NKD1: variants seen among roughly 807,000 people sequenced by gnomAD.
NKD1 encodes NKD inhibitor of Wnt signaling pathway 1.
Under a neutral mutation model 56.0 loss-of-function variants are expected in NKD1, and 21 were observed. The observed-to-expected ratio is 0.38, with a 90% confidence interval of 0.27 to 0.54. The LOEUF (loss-of-function observed/expected upper bound fraction) is 0.54, where lower values mean the gene tolerates loss of function less well. Among genes scored for constraint, NKD1 ranks in the 20% least tolerant of loss-of-function variants. The pLI, the probability that NKD1 is intolerant of heterozygous loss-of-function variation, is 0.82. For missense variants in NKD1, 578 were observed against 642.7 expected, an observed-to-expected ratio of 0.90 and a Z score of 1.09; for synonymous variants, 263 against 265.7, an observed-to-expected ratio of 0.99 and a Z score of 0.10.
At chr16:50,608,048 G>T in intron 3 of NKD1, 1 of 513,118 alleles carries the variant, frequency 1.9e-6, no homozygotes, top group Non-Finnish European at 3.5e-6. Context: ...TGGGAGGCAT[G>T]ATGGAAGACC....
intron 3 of NKD1, among the ~76,000 whole-genome samples, chr16:50,593,566 G>A (rs1961413979): frequency 6.6e-6 from 1 of 152,158 alleles, no homozygotes; most frequent in African/African-American, 2.4e-5. Flanking sequence ...TGTGTGCCCG[G>A]CCCTGACCAG....
intron 3 of NKD1, chr16:50,607,984 G>C (rs1961751983): frequency 5.6e-6 from 2 of 357,052 alleles, no homozygotes; most frequent in African/African-American, 4.1e-5. Flanking sequence ...GAACAGGCAG[G>C]GTGTGTGCAA....
intron 3 of NKD1, among the ~76,000 whole-genome samples, chr16:50,594,724 G>A (rs1007205098): frequency 1.3e-5 from 2 of 152,128 alleles, no homozygotes; most frequent in East Asian, 3.9e-4. Flanking sequence ...CTCTGAGTCT[G>A]CAGACATAGC....
chr16:50,557,292 A>G (rs572316460), intron 3 of NKD1: 34 of 152,336 alleles, frequency 2.2e-4, no homozygotes, highest in African/African-American at 8.2e-4. Flanking sequence ...CATTCCACAA[A>G]TATTTGACTG....
chr16:50,589,970 C>T (rs1961329153), intron 3 of NKD1, among the ~76,000 whole-genome samples: 1 of 152,100 alleles, frequency 6.6e-6, no homozygotes, highest in Non-Finnish European at 1.5e-5. Context: ...GCCTCAGCCT[C>T]CTGAGTAGCT....
At chr16:50,560,741 G>A (rs1036509486) in intron 3 of NKD1, among the ~76,000 whole-genome samples, 2 of 149,448 alleles carry the variant, frequency 1.3e-5, no homozygotes, top group African/African-American at 5.0e-5. Flanking sequence ...TATATAGTAA[G>A]AGTAAATATT....
At position 50,633,063 on chromosome 16, in the gene NKD1, A is replaced by AG. The variant is rs1962381012; in HGVS notation, c.824-125dup. On this transcript the variant is annotated intron_variant, in intron 9 of 9. Transcript: ENST00000268459. The surrounding 1 kb of genome is among the most constrained non-coding windows in gnomAD (Gnocchi z 4.9). ...CAGAGAGTTTTCCTGCAAGGCAGTG[A>AG]GGGGCAGTCAGGGCATTGGGGGGTA... is the stretch of plus-strand genomic sequence containing the variant. 10 of 760,398 alleles carry AG rather than the reference A, an allele frequency of 1.3e-5. No individual in the cohort carries two copies. The East Asian group carries it at 3.0e-4, about 23-fold the overall frequency. 47.1% of individuals were successfully genotyped at this position (760,398 alleles called of 1,614,324 possible). A position where few individuals can be genotyped will look rare whatever the true frequency, so the allele number is the denominator to read the frequency against.
rs555368242 is a variant in NKD1 at position 50,570,871 on chromosome 16, T to C, written c.192+21316T>C. ...TCTGTACAGCACCTTGTGCTGAGGG[T>C]GGAATGTGGCTGGCAGGTATTGGAG... On this transcript the variant is annotated intron_variant, in intron 3 of 9. Coordinates refer to ENST00000268459, the MANE Select transcript of NKD1 (RefSeq NM_033119.5). 47 of 985,188 alleles carry C rather than the reference T, an allele frequency of 4.8e-5. No homozygotes were observed. The African/African-American group carries it at 7.7e-4, about 16-fold the overall frequency. The allele number at this position is 985,188 out of a possible 1,614,324, so 61.0% of individuals were successfully genotyped here.
chr16:50,598,109 G>T lies in NKD1; in HGVS notation c.193-10185G>T, dbSNP rs1461155836. Among the ~76,000 whole-genome samples the T allele has an allele frequency of 1.3e-5, 2 of 152,092 alleles. No individual in the cohort carries two copies. Among genetic ancestry groups the T allele is most frequent in the Non-Finnish European group, 2.9e-5 (2 of 67,990 alleles). On this transcript the variant is annotated intron_variant, in intron 3 of 9. Coordinates refer to ENST00000268459, the MANE Select transcript of NKD1 (RefSeq NM_033119.5). This position sits in a 1 kb window ranked among gnomAD's most constrained non-coding sequence, Gnocchi z 4.2. ...TCTTAGAGCTATTTTGGGGACAAGG[G>T]GACAGAAGGGGCCAGGAGATGAGAG...
intron 3 of NKD1, among the ~76,000 whole-genome samples, chr16:50,580,007 G>C (rs1165276258): frequency 6.6e-6 from 1 of 151,972 alleles, no homozygotes; most frequent in Non-Finnish European, 1.5e-5. Context: ...CTACACACAT[G>C]CACTCTCTCA....
intron 3 of NKD1, chr16:50,556,532 G>A (rs947398063): frequency 2.0e-5 from 3 of 152,402 alleles, no homozygotes; most frequent in African/African-American, 7.2e-5. Context: ...TACTTGTTAA[G>A]TCACATGGGC....
rs1341510113 is a variant in NKD1 at position 50,636,587 on chromosome 16, C to G, written c.*2806C>G. 7 of 152,156 alleles carry G rather than the reference C, an allele frequency of 4.6e-5. No individual in the cohort carries two copies. Among genetic ancestry groups the G allele is most frequent in the African/African-American group, 1.7e-4 (7 of 41,426 alleles). The allele number at this position is 152,156 out of a possible 1,614,324, so 9.4% of individuals were successfully genotyped here. A position where few individuals can be genotyped will look rare whatever the true frequency, so the allele number is the denominator to read the frequency against. Reference sequence around the variant, plus strand: ...TTTGCTAGGTTCGAATCCTGACTCCCTCTTTGTAGCTCTGTGCTTCAATTG... The same window carrying G: ...TTTGCTAGGTTCGAATCCTGACTCCGTCTTTGTAGCTCTGTGCTTCAATTG... On this transcript the variant is annotated 3_prime_UTR_variant, in exon 10 of 10. Coordinates refer to ENST00000268459, the MANE Select transcript of NKD1 (RefSeq NM_033119.5).
chr16:50,606,270 G>A (rs1390290994), intron 3 of NKD1: 1 of 153,698 alleles, frequency 6.5e-6, no homozygotes, highest in Non-Finnish European at 1.4e-5. Context: ...TGTTGGCCAG[G>A]TTGCCTGACC....
chr16:50,593,475 G>GT (rs1961412127), intron 3 of NKD1, among the ~76,000 whole-genome samples: 2 of 152,280 alleles, frequency 1.3e-5, no homozygotes, highest in East Asian at 1.9e-4. Context: ...AGTAGGGTCA[G>GT]GCTCTCAGCT....
chr16:50,616,274 T>C (rs1202295954), intron 4 of NKD1, among the ~76,000 whole-genome samples: 1 of 152,230 alleles, frequency 6.6e-6, no homozygotes, highest in East Asian at 1.9e-4. Context: ...TGCCATGCAA[T>C]TGAATTGTTA....
At position 50,548,409 on chromosome 16, in the gene NKD1, C is replaced by A; in HGVS notation, c.-145C>A. On this transcript the variant is annotated 5_prime_UTR_variant, in exon 1 of 10. Coordinates refer to ENST00000268459, the MANE Select transcript of NKD1 (RefSeq NM_033119.5). The stretch of plus-strand genomic sequence containing the variant: ...CTCCCGGGCGTCAGTCGGGCCGCGG[C>A]GACGGCGGCAGGAGCGCGTCCCGGC... 1 of 210,316 alleles carries A rather than the reference C, an allele frequency of 4.8e-6. No homozygotes were observed. 13.0% of individuals were successfully genotyped at this position (210,316 alleles called of 1,614,324 possible).
intron 3 of NKD1, chr16:50,552,352 G>A (rs1960407162): frequency 1.3e-5 from 2 of 152,222 alleles, no homozygotes; most frequent in African/African-American, 4.8e-5. Flanking sequence ...GAAGCCCTGT[G>A]CCAGGGCATC....
chr16:50,562,996 C>A (rs933192963), intron 3 of NKD1, among the ~76,000 whole-genome samples: 8 of 133,674 alleles, frequency 6.0e-5, no homozygotes, highest in East Asian at 2.1e-4. Context: ...ACCCCCCCCC[C>A]CCGCCGTAGA....
intron 3 of NKD1, among the ~76,000 whole-genome samples, chr16:50,597,249 G>C (rs1961492562): frequency 6.6e-6 from 1 of 152,102 alleles, no homozygotes; most frequent in Non-Finnish European, 1.5e-5. Context: ...TGTCTGGCCA[G>C]AGTGAAGGAA....
Sources: gnomAD v4.1 joint callset for allele counts (sites outside exome capture counted in the v4.1 genomes callset) on GRCh38, gnomAD v4.1.1 for gene constraint, Gnocchi (gnomAD v3.1) non-coding constraint, MANE v1.5 for transcripts, NCBI Gene and HGNC (gene_info 2026-07-23, HGNC 2026-07-21) for gene names.